Variants in VCL observed in about 807,000 individuals in gnomAD.
VCL encodes the protein epididymis luminal protein 114.
VCL carries 47 observed loss-of-function variants against 125.7 expected under a neutral mutation model. The ratio of observed to expected loss-of-function variants is 0.37; its 90% CI spans 0.30 to 0.48. The LOEUF is 0.48. Ranked by LOEUF, VCL falls within the 20% of genes least tolerant of loss-of-function variation. The pLI is 0.99. For synonymous variants in VCL, 458 were observed against 514.6 expected (o/e 0.89, Z 1.49); for missense variants, 1,069 against 1,455.5 (o/e 0.73, Z 4.32).
chr10:74,115,031 G>C, intron 21 of VCL, 132 bp downstream of exon 21: 1 of 909,934 alleles, frequency 1.1e-6, no homozygotes, highest in Non-Finnish European at 1.8e-6. Flanking sequence ...CACTCAGACT[G>C]TCTCAGGAGG....
chr10:74,034,364 C>G (rs1451730162), intron 1 of VCL, among the ~76,000 whole-genome samples: 1 of 152,148 alleles, frequency 6.6e-6, no homozygotes, highest in African/African-American at 2.4e-5. Context: ...CTGAGCTGGC[C>G]ATGCTTTCCC....
intron 1 of VCL, among the ~76,000 whole-genome samples, chr10:74,040,406 G>C (rs10824060): frequency 0.67 from 101,380 of 151,998 alleles, 34,581 homozygotes; most frequent in African/African-American, 0.76. Flanking sequence ...TCCCTCCCAC[G>C]CTTGCTCTCT....
chr10:74,048,253 G>C (rs1487363755), intron 2 of VCL, among the ~76,000 whole-genome samples: 1 of 152,154 alleles, frequency 6.6e-6, no homozygotes. Flanking sequence ...TGGATCACTT[G>C]AGGTCAAGAG....
In VCL at chr10:74,111,906, A is replaced by G. The variant is rs1375368523; in HGVS notation, c.2746-3A>G. On this transcript the variant is annotated splice_polypyrimidine_tract_variant and splice_region_variant and intron_variant, in intron 18 of 21. Transcript: ENST00000211998. ...TTTCTCATCCTTCCCGCCATCGACA[A>G]AGCCGGGCATCCCAGCCGCTGAGGT... The G allele has an allele frequency of 6.2e-7, 1 of 1,614,072 alleles. No homozygotes were observed.
At chr10:74,080,107 C>T (rs1206032961) in intron 6 of VCL, among the ~76,000 whole-genome samples, 1 of 152,116 alleles carries the variant, frequency 6.6e-6, no homozygotes, top group East Asian at 1.9e-4. Context: ...GCTGAATAGA[C>T]AAAAACTATT....
intron 1 of VCL, among the ~76,000 whole-genome samples, chr10:74,015,770 C>G (rs866916932): frequency 6.6e-6 from 1 of 151,526 alleles, no homozygotes. Flanking sequence ...CTGCAACCTC[C>G]GCCTCCCAGG....
At chr10:74,037,476 A>G (rs925124656) in intron 1 of VCL, among the ~76,000 whole-genome samples, 1 of 152,224 alleles carries the variant, frequency 6.6e-6, no homozygotes, top group Non-Finnish European at 1.5e-5. Context: ...ATAGAACACT[A>G]AATTGTAAAG....
chr10:74,108,461 C>T (rs541098376), intron 17 of VCL, among the ~76,000 whole-genome samples: 1 of 152,018 alleles, frequency 6.6e-6, no homozygotes, highest in South Asian at 2.1e-4. Flanking sequence ...AAAACAGTAG[C>T]TGCAAGCCTT....
chr10:74,082,559 C>A lies in VCL; in HGVS notation c.874+15C>A. On this transcript the variant is annotated intron_variant, in intron 7 of 21. Coordinates refer to ENST00000211998, the MANE Select transcript of VCL (RefSeq NM_014000.3). ...TGCCTCCCCAGGTAACCCTCTAGTTCTGCTTTTCTGATCAATACAACGAGA... is the reference window on the plus strand; with the variant it reads ...TGCCTCCCCAGGTAACCCTCTAGTTATGCTTTTCTGATCAATACAACGAGA... 1 of 1,613,186 alleles carries A rather than the reference C, an allele frequency of 6.2e-7. No individual in the cohort carries two copies.
At chr10:74,107,030 T>G (rs1419262558) in intron 16 of VCL, among the ~76,000 whole-genome samples, 200 bp from the exon 17 acceptor site, 1 of 152,220 alleles carries the variant, frequency 6.6e-6, no homozygotes, top group Non-Finnish European at 1.5e-5. Flanking sequence ...AAAGAACAGC[T>G]GGTTTGTGAT....
intron 1 of VCL, among the ~76,000 whole-genome samples, chr10:74,018,546 T>C (rs1840603340): frequency 6.6e-6 from 1 of 151,970 alleles, no homozygotes; most frequent in Non-Finnish European, 1.5e-5. Context: ...CCAGAGAAAA[T>C]GGGAATACCT....
In VCL at chr10:74,095,708, T is replaced by C; in HGVS notation, c.1596T>C (p.Val532=). ...CCGAAGGGCATCGTCTGGCTAATGT[T>C]ATGATGGGGCCTTATCGGCAAGATC... ...LVAEGHRLAN[V]MMGPYRQDLL... The change falls in exon 12 of 22, where the codon GTT becomes GTC. Residue 532 remains valine (V), a synonymous_variant. Coordinates refer to ENST00000211998, the MANE Select transcript of VCL (RefSeq NM_014000.3). The C allele has an allele frequency of 3.1e-6, 5 of 1,614,210 alleles. 1 individual carries two copies. In the South Asian group the frequency reaches 5.5e-5, roughly 18 times the overall value.
At chr10:74,032,699 CA>C (rs749212293) in intron 1 of VCL, among the ~76,000 whole-genome samples, 1,839 of 138,258 alleles carry the variant, frequency 0.013, 25 homozygotes, top group African/African-American at 0.029. Flanking sequence ...GTCTCGGTCT[CA>C]AAAAAAAAAA....
At chr10:74,050,282 C>T (rs1191326728) in intron 2 of VCL, among the ~76,000 whole-genome samples, 1 of 152,132 alleles carries the variant, frequency 6.6e-6, no homozygotes, top group Non-Finnish European at 1.5e-5. Context: ...AATGTCTAGG[C>T]TTATTGAATA....
At chr10:74,034,790 G>A (rs1428486102) in intron 1 of VCL, among the ~76,000 whole-genome samples, 2 of 152,154 alleles carry the variant, frequency 1.3e-5, no homozygotes, top group Non-Finnish European at 2.9e-5. Flanking sequence ...ATCAGTGAGG[G>A]GTGGATGGAT....
At chr10:74,040,852 A>G (rs1841081446) in intron 1 of VCL, among the ~76,000 whole-genome samples, 1 of 152,170 alleles carries the variant, frequency 6.6e-6, no homozygotes, top group South Asian at 2.1e-4. Flanking sequence ...TAGCTGATTT[A>G]CTGAGCATTT....
intron 2 of VCL, among the ~76,000 whole-genome samples, chr10:74,048,054 G>A (rs929595632): frequency 1.3e-5 from 2 of 152,196 alleles, no homozygotes; most frequent in Non-Finnish European, 2.9e-5. Flanking sequence ...TGCATAAGAG[G>A]TGTAGGGTTG....
At position 74,071,217 on chromosome 10, in the gene VCL, A is replaced by T. The variant is rs1841659166; in HGVS notation, c.499+134A>T. 1 of 779,170 alleles carries T rather than the reference A, an allele frequency of 1.3e-6. No homozygotes were observed. Among genetic ancestry groups the T allele is most frequent in the Middle Eastern group, 2.6e-4 (1 of 3,912 alleles). The allele number at this position is 779,170 out of a possible 1,614,324, so 48.3% of individuals were successfully genotyped here. On this transcript the variant is annotated intron_variant, in intron 4 of 21. Transcript: ENST00000211998. The surrounding 1 kb of genome is among the most constrained non-coding windows in gnomAD (Gnocchi z 4.1). ...GGGCTTTCAGGTGTCTGCTCTGTTG[A>T]TGGAGATGATGCTGTGCTTTGAGGT...
intron 1 of VCL, among the ~76,000 whole-genome samples, chr10:74,007,404 T>C (rs1451612663): frequency 1.3e-5 from 2 of 152,230 alleles, no homozygotes; most frequent in East Asian, 3.8e-4. Flanking sequence ...AGATGCTCTG[T>C]TATTACACTC....
Sources: allele counts gnomAD v4.1 joint callset (sites outside exome capture counted in the v4.1 genomes callset), GRCh38; gene constraint gnomAD v4.1.1; non-coding constraint Gnocchi (gnomAD v3.1); transcripts MANE v1.5; gene names NCBI Gene and HGNC (gene_info 2026-07-23, HGNC 2026-07-21).